The following P3H2 variants were observed in gnomAD, a reference collection of about 807,000 sequenced individuals.
P3H2 encodes leprecan-like 1.
A neutral mutation model predicts 87.0 loss-of-function variants in P3H2; 80 were observed. The ratio of observed to expected loss-of-function variants is 0.92; its 90% confidence interval spans 0.77 to 1.11. The LOEUF is 1.11. P3H2 is among the 50% of genes least tolerant of loss of function. P3H2 has a pLI of 0.00. For synonymous variants in P3H2, 367 were observed against 359.3 expected (o/e 1.02, Z -0.24); for missense variants, 1,001 against 923.9 (o/e 1.08, Z -1.08).
chr3:190,076,057 C>T (rs1191299167), intron 1 of P3H2, among the ~76,000 whole-genome samples: 1 of 151,938 alleles, frequency 6.6e-6, no homozygotes, highest in Non-Finnish European at 1.5e-5. Flanking sequence ...GATTTCATTT[C>T]GTCTATTTAG....
At chr3:190,047,810 GT>G (rs1016152508) in intron 1 of P3H2, among the ~76,000 whole-genome samples, 61 of 152,190 alleles carry the variant, frequency 4.0e-4, no homozygotes, top group Non-Finnish European at 8.8e-5. Flanking sequence ...AGAGGCATTG[GT>G]TAATGGGTAT....
At chr3:190,029,654 C>T (rs956482329) in intron 1 of P3H2, among the ~76,000 whole-genome samples, 1 of 151,910 alleles carries the variant, frequency 6.6e-6, no homozygotes, top group Non-Finnish European at 1.5e-5. Context: ...AACAAGATGT[C>T]AAAAAATTAC....
intron 3 of P3H2, among the ~76,000 whole-genome samples, chr3:189,991,353 T>C (rs997974630): frequency 2.0e-5 from 3 of 152,262 alleles, no homozygotes; most frequent in African/African-American, 7.2e-5. Flanking sequence ...TAATTTTTGA[T>C]AGCTATACCC....
At chr3:189,960,496 T>C (rs1055843198) in intron 14 of P3H2, among the ~76,000 whole-genome samples, 3 of 152,208 alleles carry the variant, frequency 2.0e-5, no homozygotes, top group African/African-American at 4.8e-5. Context: ...CTGTCTAAAA[T>C]GCCTCTCCCT....
In P3H2 at chr3:189,986,840, G is replaced by C. The variant is rs766973596; in HGVS notation, c.1136C>G (p.Ser379Cys). Residue 379 changes from serine to cysteine, a missense_variant, in exon 6 of 15, where the codon TCT (serine) becomes TGT (cysteine). Transcript: ENST00000319332. ...TTCTGCAGCTGATTTTATCAGCTCA[G>C]ACTCCAGCTTATGACGTTTCACAAA... ...TMFVKRHKLESELIKSAAEGL... is the reference protein window; with the variant it reads ...TMFVKRHKLECELIKSAAEGL... 5.6e-6 allele frequency: 9 copies of C among 1,613,010 alleles called. No individual in the cohort carries two copies. The highest frequency in any genetic ancestry group is 6.8e-6 in the Non-Finnish European group (8 of 1,179,218).
chr3:190,004,452 G>A (rs997025536), intron 1 of P3H2, among the ~76,000 whole-genome samples: 3 of 151,984 alleles, frequency 2.0e-5, no homozygotes, highest in Non-Finnish European at 4.4e-5. Flanking sequence ...GCGGGATCTC[G>A]GCTCACTGCA....
Position 190,070,702 on chromosome 3 carries a change from A to G in P3H2, c.480+49550T>C, listed in dbSNP as rs776054070. Among the ~76,000 whole-genome samples the G allele has an allele frequency of 2.6e-5, 4 of 152,192 alleles. No homozygotes were observed. The South Asian group carries it at 8.3e-4, about 32-fold the overall frequency. Reference sequence around the variant, plus strand: ...TTACTAACAATCCATATGAACAGCCATCATTCTCAAAAAAGCTATCTTCAG... The same window carrying G: ...TTACTAACAATCCATATGAACAGCCGTCATTCTCAAAAAAGCTATCTTCAG... On this transcript the variant is annotated intron_variant, in intron 1 of 14. Coordinates refer to ENST00000319332, the MANE Select transcript of P3H2 (RefSeq NM_018192.4).
intron 1 of P3H2, among the ~76,000 whole-genome samples, chr3:190,092,868 C>T (rs889856684): frequency 6.6e-6 from 1 of 152,156 alleles, no homozygotes; most frequent in African/African-American, 2.4e-5. Flanking sequence ...AACCACAATC[C>T]ATCAATCACC....
chr3:190,034,941 C>G (rs182820163), intron 1 of P3H2, among the ~76,000 whole-genome samples: 36 of 150,180 alleles, frequency 2.4e-4, no homozygotes, highest in African/African-American at 8.1e-4. Flanking sequence ...TTCTGCCTCC[C>G]AGATTCAAGC....
At chr3:190,078,221 C>T (rs1209744474) in intron 1 of P3H2, among the ~76,000 whole-genome samples, 2 of 152,122 alleles carry the variant, frequency 1.3e-5, no homozygotes, top group South Asian at 2.1e-4. Context: ...AAAATTATGT[C>T]TGTTTGTATT....
chr3:190,038,234 TA>T (rs140978961), intron 1 of P3H2, among the ~76,000 whole-genome samples: 1,512 of 132,136 alleles, frequency 0.011, 27 homozygotes, highest in African/African-American at 0.04. Flanking sequence ...AGACTAGGTT[TA>T]AAAAAAAAAA....
intron 1 of P3H2, among the ~76,000 whole-genome samples, chr3:190,008,754 A>G (rs887234929): frequency 2.0e-5 from 3 of 152,184 alleles, no homozygotes; most frequent in Admixed American, 6.5e-5. Flanking sequence ...GCTTTACTTC[A>G]TCTTTCCATT....
chr3:190,009,289 G>C (rs1411120069), intron 1 of P3H2, among the ~76,000 whole-genome samples: 3 of 152,162 alleles, frequency 2.0e-5, no homozygotes, highest in Non-Finnish European at 2.9e-5. Flanking sequence ...TAAAGCAACT[G>C]AGTGATTTGT....
At chr3:189,966,131 GAA>G (rs1329463009) in intron 13 of P3H2, among the ~76,000 whole-genome samples, 1 of 51,266 alleles carries the variant, frequency 2.0e-5, no homozygotes, top group Non-Finnish European at 4.4e-5. Flanking sequence ...GAAAAAGAAA[GAA>G]AGAAAGAAAG....
chr3:190,063,437 G>C (rs1024038226), intron 1 of P3H2, among the ~76,000 whole-genome samples: 2 of 152,100 alleles, frequency 1.3e-5, no homozygotes, highest in East Asian at 3.8e-4. Context: ...CAGTACTAAT[G>C]GTTCTCTTTA....
At chr3:190,043,030 A>G (rs1725687754) in intron 1 of P3H2, among the ~76,000 whole-genome samples, 1 of 152,214 alleles carries the variant, frequency 6.6e-6, no homozygotes, top group South Asian at 2.1e-4. Flanking sequence ...AGTACCATAC[A>G]TGGCCTATTA....
chr3:190,105,997 T>G (rs941192518), intron 1 of P3H2, among the ~76,000 whole-genome samples: 1 of 152,242 alleles, frequency 6.6e-6, no homozygotes, highest in Non-Finnish European at 1.5e-5. Context: ...AAGAAATGTT[T>G]GTTGATTCTC....
Position 189,994,066 on chromosome 3 carries a change from G to A in P3H2, c.823+28C>T, listed in dbSNP as rs1390888766. The A allele has an allele frequency of 1.0e-5, 16 of 1,533,930 alleles. No homozygotes were observed. The East Asian group carries it at 3.4e-4, about 32-fold the overall frequency. On this transcript the variant is annotated intron_variant, in intron 3 of 14. Coordinates refer to ENST00000319332, the MANE Select transcript of P3H2 (RefSeq NM_018192.4). ...AAGTAGTATTTTTATAATCAAGAAA[G>A]AAATAAAATGAAAAATTAAGCTTTT... is the stretch of plus-strand genomic sequence containing the variant.
chr3:189,981,302 G>A (rs1372915027), intron 8 of P3H2, among the ~76,000 whole-genome samples: 1 of 152,094 alleles, frequency 6.6e-6, no homozygotes, highest in Non-Finnish European at 1.5e-5. Flanking sequence ...TGCCAGTTGT[G>A]GGCTAAGCCC....
Sources: gnomAD v4.1 joint callset for allele counts (sites outside exome capture counted in the v4.1 genomes callset) on GRCh38, gnomAD v4.1.1 for gene constraint, MANE v1.5 for transcripts, NCBI Gene and HGNC (gene_info 2026-07-23, HGNC 2026-07-21) for gene names.